DOCK3: variants seen among roughly 807,000 people sequenced by gnomAD.
DOCK3 encodes dedicator of cytokinesis protein 3.
DOCK3 carries 60 observed loss-of-function variants against 265.6 expected under a neutral mutation model. The observed-to-expected ratio is 0.23, with a 90% CI of 0.18 to 0.28. DOCK3 has a LOEUF of 0.28. Ranked by LOEUF, DOCK3 falls within the 10% of genes least tolerant of loss-of-function variation. The pLI is 1.00. For missense variants in DOCK3, 1,981 were observed against 2,594.3 expected (o/e 0.76, Z 5.14); for synonymous variants, 881 against 938.0 (o/e 0.94, Z 1.11).
chr3:51,066,756 A>G (rs1442294258), intron 6 of DOCK3, among the ~76,000 whole-genome samples: 2 of 152,210 alleles, frequency 1.3e-5, no homozygotes, highest in Non-Finnish European at 1.5e-5. Flanking sequence ...AGTGTTCATC[A>G]GTAGAAAAGA....
intron 1 of DOCK3, among the ~76,000 whole-genome samples, chr3:50,760,461 C>T (rs556314869): frequency 1.3e-5 from 2 of 151,970 alleles, no homozygotes; most frequent in African/African-American, 2.4e-5. Flanking sequence ...TTAATACTAC[C>T]GTTCTGTTTT....
intron 3 of DOCK3, among the ~76,000 whole-genome samples, chr3:50,880,819 A>G (rs2107654036): frequency 1.3e-5 from 2 of 152,304 alleles, no homozygotes; most frequent in South Asian, 4.1e-4. Context: ...GCAGAGACAC[A>G]ACCAAAAAAG....
intron 21 of DOCK3, among the ~76,000 whole-genome samples, chr3:51,239,549 T>C (rs1461745204): frequency 2.7e-5 from 4 of 147,774 alleles, no homozygotes; most frequent in Non-Finnish European, 4.5e-5. Flanking sequence ...ATCTGTCTGG[T>C]CCTGGGTTTT....
At position 51,225,541 on chromosome 3, in the gene DOCK3, G is replaced by T. The variant is rs1464982224; in HGVS notation, c.1253-108G>T. 2.7e-6 allele frequency: 4 copies of T among 1,483,474 alleles called. No homozygotes were observed. In the African/African-American group the frequency reaches 5.7e-5, roughly 21 times the overall value. The allele number at this position is 1,483,474 out of a possible 1,614,324, so 91.9% of individuals were successfully genotyped here. A position where few individuals can be genotyped will look rare whatever the true frequency, so the allele number is the denominator to read the frequency against. ...TTATTAACCAAGCTTGGAATGCCCT[G>T]AACACCCACCCAAGCCCCAGAAGAT... On this transcript the variant is annotated intron_variant, in intron 14 of 52. Transcript: ENST00000266037.
At chr3:50,887,195 C>T (rs991913189) in intron 3 of DOCK3, among the ~76,000 whole-genome samples, 12 of 152,022 alleles carry the variant, frequency 7.9e-5, no homozygotes, top group African/African-American at 2.7e-4. Flanking sequence ...CCACCGATCC[C>T]ACAGAAATAC....
chr3:51,090,639 C>T (rs1200109117), intron 9 of DOCK3, among the ~76,000 whole-genome samples: 1 of 152,078 alleles, frequency 6.6e-6, no homozygotes, highest in Admixed American at 6.6e-5. Flanking sequence ...CACCACCTCA[C>T]AGAGAGAAAA....
At chr3:50,693,762 C>G (rs2035420352) in intron 1 of DOCK3, among the ~76,000 whole-genome samples, 1 of 151,338 alleles carries the variant, frequency 6.6e-6, no homozygotes. Context: ...TTTTCAAACT[C>G]CTGACCTCAG....
intron 2 of DOCK3, among the ~76,000 whole-genome samples, chr3:50,801,188 A>G (rs1432268715): frequency 6.6e-6 from 1 of 152,122 alleles, no homozygotes; most frequent in Non-Finnish European, 1.5e-5. Flanking sequence ...CACCTGGACA[A>G]GGGAGGGGAA....
chr3:50,937,719 T>C (rs2051461055), intron 5 of DOCK3, among the ~76,000 whole-genome samples: 1 of 152,148 alleles, frequency 6.6e-6, no homozygotes, highest in Non-Finnish European at 1.5e-5. Context: ...CATATGTATA[T>C]TGCAATCTCT....
intron 50 of DOCK3, 128 bp from the exon 51 acceptor site, chr3:51,375,620 G>A: frequency 9.8e-7 from 1 of 1,017,046 alleles, no homozygotes; most frequent in Non-Finnish European, 1.5e-6. Context: ...TCTCAAGTGT[G>A]AGCTGTGCCA....
intron 2 of DOCK3, among the ~76,000 whole-genome samples, chr3:50,789,836 G>A (rs2042372458): frequency 6.6e-6 from 1 of 152,168 alleles, no homozygotes; most frequent in South Asian, 2.1e-4. Context: ...GGGTTCAAGC[G>A]ATTCTTGTGT....
chr3:51,243,619 A>G (rs1292628099), intron 21 of DOCK3, among the ~76,000 whole-genome samples: 6 of 152,130 alleles, frequency 3.9e-5, no homozygotes, highest in Admixed American at 1.3e-4. Flanking sequence ...TTAACCCCTT[A>G]TCAGTTATAT....
At chr3:50,860,317 G>A (rs1349792139) in intron 3 of DOCK3, among the ~76,000 whole-genome samples, 1 of 152,204 alleles carries the variant, frequency 6.6e-6, no homozygotes, top group Non-Finnish European at 1.5e-5. Context: ...GAGGCTTTCA[G>A]ATGCCCCTGG....
intron 5 of DOCK3, among the ~76,000 whole-genome samples, chr3:50,994,295 A>G (rs2078207154): frequency 1.3e-5 from 2 of 152,250 alleles, no homozygotes; most frequent in African/African-American, 4.8e-5. Context: ...ACAATGTATT[A>G]GACACCATTT....
At chr3:50,786,820 T>C (rs2042208954) in intron 2 of DOCK3, 1 of 741,522 alleles carries the variant, frequency 1.3e-6, no homozygotes, top group Admixed American at 1.7e-5. Context: ...TGTGGGTGTG[T>C]AGCTGGTAAT....
At chr3:51,095,300 G>A (rs1186364496) in intron 9 of DOCK3, among the ~76,000 whole-genome samples, 3 of 152,110 alleles carry the variant, frequency 2.0e-5, no homozygotes, top group Non-Finnish European at 2.9e-5. Context: ...GCTGATACTG[G>A]TTTTTCCTTT....
At chr3:51,135,309 T>C (rs982915903) in intron 9 of DOCK3, among the ~76,000 whole-genome samples, 1 of 152,246 alleles carries the variant, frequency 6.6e-6, no homozygotes, top group Non-Finnish European at 1.5e-5. Flanking sequence ...TGTGTCATAG[T>C]TTGCCTGGGC....
intron 38 of DOCK3, among the ~76,000 whole-genome samples, chr3:51,343,916 C>T (rs1237348801): frequency 2.0e-5 from 3 of 152,182 alleles, no homozygotes; most frequent in Non-Finnish European, 4.4e-5. Context: ...GGGCTCTGGT[C>T]CACAGACAGT....
chr3:50,869,177 T>C (rs752906439), intron 3 of DOCK3, among the ~76,000 whole-genome samples: 24 of 151,056 alleles, frequency 1.6e-4, no homozygotes, highest in African/African-American at 5.8e-4. Context: ...GGTTTCACTG[T>C]GTTAGCCAGG....
Sources: allele counts gnomAD v4.1 joint callset (sites outside exome capture counted in the v4.1 genomes callset), GRCh38; gene constraint gnomAD v4.1.1; transcripts MANE v1.5; gene names NCBI Gene and HGNC (gene_info 2026-07-23, HGNC 2026-07-21).